The following LYPLAL1 variants were observed in gnomAD, a reference collection of about 807,000 sequenced individuals.
LYPLAL1 encodes the protein lysophospholipase-like protein 1.
In LYPLAL1, 23 loss-of-function variants were observed where a neutral mutation model predicts 19.7. The observed-to-expected ratio is 1.17, with a 90% CI of 0.84 to 1.65. The LOEUF (loss-of-function observed/expected upper bound fraction) is 1.65, where lower values mean the gene tolerates loss of function less well. Ranked by LOEUF, LYPLAL1 falls within the 40% of genes most tolerant of loss-of-function variation. LYPLAL1 has a pLI of 0.00. For missense variants in LYPLAL1, 355 were observed against 279.4 expected, an observed-to-expected ratio of 1.27 and a Z score of -1.93; for synonymous variants, 119 against 96.3, an observed-to-expected ratio of 1.24 and a Z score of -1.38.
chr1:219,437,751 A>ATTTATTTTATTTTATTTTAT, the LYPLAL1 span, among the ~76,000 whole-genome samples: 106 of 143,540 alleles, frequency 7.4e-4, no homozygotes, highest in African/African-American at 2.6e-3. Context: ...ATTTTATTGT[A>ATTTATTTTATTTTATTTTAT]TTTATTTTAT....
chr1:219,178,719 G>T (rs1656018109), intron 1 of LYPLAL1, among the ~76,000 whole-genome samples: 2 of 151,874 alleles, frequency 1.3e-5, no homozygotes, highest in Non-Finnish European at 2.9e-5. Context: ...AGAAAATTAG[G>T]TTCTTCTAAC....
the LYPLAL1 span, among the ~76,000 whole-genome samples, chr1:219,313,176 CA>C: frequency 6.6e-6 from 1 of 152,080 alleles, no homozygotes; most frequent in African/African-American, 2.4e-5. Context: ...TAACATAGAA[CA>C]AGTCATAAGT....
At chr1:219,390,685 A>T in the LYPLAL1 span, among the ~76,000 whole-genome samples, 45 of 152,270 alleles carry the variant, frequency 3.0e-4, no homozygotes, top group African/African-American at 1.1e-3. Context: ...CCCCTTCCCA[A>T]TGAAGAGGGC....
At chr1:219,251,771 G>C in the LYPLAL1 span, among the ~76,000 whole-genome samples, 4 of 151,928 alleles carry the variant, frequency 2.6e-5, no homozygotes, top group Admixed American at 6.6e-5. Context: ...GCTCCTTTTT[G>C]GTTCCATATG....
At chr1:219,258,823 G>A in the LYPLAL1 span, among the ~76,000 whole-genome samples, 1 of 152,016 alleles carries the variant, frequency 6.6e-6, no homozygotes, top group Non-Finnish European at 1.5e-5. Flanking sequence ...AGTCAGCAAA[G>A]TAAACAGATA....
At chr1:219,259,791 A>T in the LYPLAL1 span, among the ~76,000 whole-genome samples, 5 of 151,610 alleles carry the variant, frequency 3.3e-5, no homozygotes, top group South Asian at 1.0e-3. Context: ...AAATAAAAAA[A>T]TATATAAATA....
downstream of LYPLAL1, among the ~76,000 whole-genome samples, chr1:219,215,027 A>G (rs1043427366): frequency 1.3e-5 from 2 of 152,058 alleles, no homozygotes; most frequent in African/African-American, 4.8e-5. Flanking sequence ...TATAATGAGA[A>G]AAAATCTTAC....
chr1:219,368,570 G>A, the LYPLAL1 span, among the ~76,000 whole-genome samples: 1 of 152,192 alleles, frequency 6.6e-6, no homozygotes, highest in African/African-American at 2.4e-5. Context: ...GGAGGGCTCT[G>A]TCAGCCAGAG....
chr1:219,232,796 T>C, the LYPLAL1 span, among the ~76,000 whole-genome samples: 1 of 151,712 alleles, frequency 6.6e-6, no homozygotes, highest in Admixed American at 6.6e-5. Context: ...TCAACATGCC[T>C]ACTCATTAGG....
the LYPLAL1 span, among the ~76,000 whole-genome samples, chr1:219,306,467 A>C: frequency 1.3e-5 from 2 of 152,236 alleles, no homozygotes; most frequent in Non-Finnish European, 2.9e-5. Context: ...TCATCCAATT[A>C]GTTGAAGACC....
chr1:219,415,696 A>T, the LYPLAL1 span, among the ~76,000 whole-genome samples: 1 of 152,228 alleles, frequency 6.6e-6, no homozygotes, highest in South Asian at 2.1e-4. Context: ...TGTGTGGCTT[A>T]AAACAATAGA....
At chr1:219,341,956 G>C in the LYPLAL1 span, among the ~76,000 whole-genome samples, 4 of 152,180 alleles carry the variant, frequency 2.6e-5, no homozygotes, top group Middle Eastern at 0.01. Context: ...GGCTGGGGAA[G>C]AATAACAGGA....
chr1:219,292,516 C>A, the LYPLAL1 span, among the ~76,000 whole-genome samples: 1 of 152,164 alleles, frequency 6.6e-6, no homozygotes, highest in East Asian at 1.9e-4. Flanking sequence ...GGTGCCCTAC[C>A]AGTCTGCAGG....
the LYPLAL1 span, among the ~76,000 whole-genome samples, chr1:219,223,408 C>T: frequency 6.6e-6 from 1 of 152,108 alleles, no homozygotes; most frequent in Non-Finnish European, 1.5e-5. Context: ...AACCTTTATT[C>T]TTTGTTTTCT....
At chr1:219,416,998 C>G in the LYPLAL1 span, among the ~76,000 whole-genome samples, 1 of 152,200 alleles carries the variant, frequency 6.6e-6, no homozygotes, top group Non-Finnish European at 1.5e-5. Flanking sequence ...AAAGCATGCA[C>G]TACCAAATTG....
chr1:219,326,742 A>G, the LYPLAL1 span, among the ~76,000 whole-genome samples: 1 of 152,200 alleles, frequency 6.6e-6, no homozygotes, highest in Non-Finnish European at 1.5e-5. Context: ...TCAAGGGGAA[A>G]AAGTGTCTCT....
At chr1:219,373,872 A>C in the LYPLAL1 span, among the ~76,000 whole-genome samples, 263 of 23,414 alleles carry the variant, frequency 0.011, 1 homozygote, top group African/African-American at 0.025. Flanking sequence ...TCAAAAAAAA[A>C]AAAAAAAAAC....
intron 3 of LYPLAL1, among the ~76,000 whole-genome samples, chr1:219,208,241 A>T (rs1177840945): frequency 6.6e-6 from 1 of 152,094 alleles, no homozygotes; most frequent in African/African-American, 2.4e-5. Context: ...CAGTAACTGT[A>T]CATTTTAAAA....
the LYPLAL1 span, among the ~76,000 whole-genome samples, chr1:219,441,158 A>G: frequency 6.6e-6 from 1 of 152,234 alleles, no homozygotes; most frequent in Admixed American, 6.5e-5. Flanking sequence ...ATTAAAGGAA[A>G]TTTAAATGAC....
Sources: allele counts gnomAD v4.1 joint callset (sites outside exome capture counted in the v4.1 genomes callset), GRCh38; gene constraint gnomAD v4.1.1; transcripts MANE v1.5; gene names NCBI Gene and HGNC (gene_info 2026-07-23, HGNC 2026-07-21).